TBC1D5: variants seen among roughly 807,000 people sequenced by gnomAD.
TBC1D5 encodes TBC1 domain family, member 5.
In TBC1D5, 75 loss-of-function variants were observed where a neutral mutation model predicts 100.3. That is an observed-to-expected ratio of 0.75 (90% confidence interval 0.62 to 0.91). The LOEUF (loss-of-function observed/expected upper bound fraction) is 0.91, where lower values mean the gene tolerates loss of function less well. Among genes scored for constraint, TBC1D5 ranks in the 40% least tolerant of loss-of-function variants. TBC1D5 has a pLI of 0.00. For synonymous variants in TBC1D5, 323 were observed against 325.6 expected (o/e 0.99, Z 0.09); for missense variants, 910 against 942.4 (o/e 0.97, Z 0.45).
At chr3:17,262,437 ACAGT>A in intron 15 of TBC1D5, among the ~76,000 whole-genome samples, 1 of 151,628 alleles carries the variant, frequency 6.6e-6, no homozygotes, top group South Asian at 2.1e-4. Context: ...TCATTTTGAC[ACAGT>A]CGGGACTTCA....
chr3:17,624,301 G>T (rs2062895649), intron 1 of TBC1D5, among the ~76,000 whole-genome samples: 1 of 151,992 alleles, frequency 6.6e-6, no homozygotes, highest in East Asian at 1.9e-4. Context: ...TTATTTCTTT[G>T]CATGTTACAT....
chr3:17,616,206 G>C (rs938486427), intron 2 of TBC1D5, among the ~76,000 whole-genome samples: 4 of 152,294 alleles, frequency 2.6e-5, no homozygotes, highest in African/African-American at 7.2e-5. Context: ...TTTTGAGTGA[G>C]TTTCTTAATC....
At chr3:17,704,457 G>GC (rs1322971600) in intron 1 of TBC1D5, among the ~76,000 whole-genome samples, 75 of 143,118 alleles carry the variant, frequency 5.2e-4, no homozygotes, top group Middle Eastern at 3.8e-3. Flanking sequence ...AGACGGGGTG[G>GC]TGGCCGGGCA....
intron 3 of TBC1D5, among the ~76,000 whole-genome samples, chr3:17,447,068 G>T (rs991497867): frequency 6.6e-6 from 1 of 152,050 alleles, no homozygotes; most frequent in Admixed American, 6.5e-5. Flanking sequence ...GAAGGAGGAA[G>T]TCAAGAATTT....
chr3:17,625,938 T>G (rs1460662405), intron 1 of TBC1D5, among the ~76,000 whole-genome samples: 1 of 152,112 alleles, frequency 6.6e-6, no homozygotes, highest in Non-Finnish European at 1.5e-5. Context: ...TTCACATGAG[T>G]TTACGTATCA....
At chr3:17,715,370 T>C (rs1008680872) in intron 1 of TBC1D5, among the ~76,000 whole-genome samples, 3 of 152,218 alleles carry the variant, frequency 2.0e-5, no homozygotes, top group African/African-American at 4.8e-5. Flanking sequence ...TCTAGCCCTA[T>C]GACAATGATT....
chr3:17,417,292 T>C (rs1343233309), intron 4 of TBC1D5, among the ~76,000 whole-genome samples: 3 of 151,858 alleles, frequency 2.0e-5, no homozygotes, highest in African/African-American at 7.3e-5. Flanking sequence ...CTGCACCCAT[T>C]AACTCGTCAT....
chr3:17,548,053 G>A (rs2096435675), intron 2 of TBC1D5, among the ~76,000 whole-genome samples: 2 of 152,188 alleles, frequency 1.3e-5, no homozygotes, highest in Non-Finnish European at 2.9e-5. Context: ...GGTGGCTCAT[G>A]CCTGTAATCC....
At chr3:17,535,752 C>T (rs1001702836) in intron 2 of TBC1D5, among the ~76,000 whole-genome samples, 2 of 151,996 alleles carry the variant, frequency 1.3e-5, no homozygotes, top group African/African-American at 4.8e-5. Context: ...AAAACACACA[C>T]ATAAAAAATC....
intron 4 of TBC1D5, among the ~76,000 whole-genome samples, chr3:17,427,534 TAGAAA>T (rs1176739788): frequency 7.2e-5 from 11 of 151,922 alleles, no homozygotes; most frequent in African/African-American, 7.2e-5. Flanking sequence ...ATATTTATTA[TAGAAA>T]AGAAGACAGT....
intron 8 of TBC1D5, among the ~76,000 whole-genome samples, chr3:17,392,195 C>A (rs2093369698): frequency 6.6e-6 from 1 of 151,610 alleles, no homozygotes; most frequent in Non-Finnish European, 1.5e-5. Context: ...AGACAAAAGG[C>A]CCTTAGATTT....
At chr3:17,663,449 TAAG>T (rs1268592168) in intron 1 of TBC1D5, among the ~76,000 whole-genome samples, 4 of 152,040 alleles carry the variant, frequency 2.6e-5, no homozygotes, top group Admixed American at 6.6e-5. Flanking sequence ...TAAATGGTAT[TAAG>T]AAGTGAATTA....
At chr3:17,267,212 G>A (rs2078940029) in intron 15 of TBC1D5, among the ~76,000 whole-genome samples, 1 of 152,116 alleles carries the variant, frequency 6.6e-6, no homozygotes, top group South Asian at 2.1e-4. Flanking sequence ...AAAGATGCCA[G>A]AGTAACATAC....
rs766843806 is a variant in TBC1D5 at position 17,291,880 on chromosome 3, A to T, written c.1245+15T>A. On this transcript the variant is annotated intron_variant, in intron 15 of 21. Transcript: ENST00000253692. ...CCCAACTTAAAATTATGCATACCCT[A>T]CTGGGGAAGCTTACCTTTGGATCTC... 1.2e-6 allele frequency: 2 copies of T among 1,607,398 alleles called. No individual in the cohort carries two copies. Among genetic ancestry groups the T allele is most frequent in the South Asian group, 2.2e-5 (2 of 90,412 alleles).
At chr3:17,355,698 C>T (rs2091151713) in intron 13 of TBC1D5, among the ~76,000 whole-genome samples, 1 of 151,804 alleles carries the variant, frequency 6.6e-6, no homozygotes, top group South Asian at 2.1e-4. Flanking sequence ...ATTCACATCC[C>T]ATGGTAGCGT....
chr3:17,266,784 T>A (rs1483892870), intron 15 of TBC1D5, among the ~76,000 whole-genome samples: 1 of 152,168 alleles, frequency 6.6e-6, no homozygotes, highest in East Asian at 1.9e-4. Flanking sequence ...TAATAATTCC[T>A]ATGTATTTTG....
At chr3:17,308,660 A>AT (rs908929326) in intron 13 of TBC1D5, among the ~76,000 whole-genome samples, 11 of 152,182 alleles carry the variant, frequency 7.2e-5, no homozygotes, top group African/African-American at 2.4e-4. Flanking sequence ...GTAGATAACC[A>AT]TTTTTTTGGT....
chr3:17,475,723 T>C (rs528643359), intron 3 of TBC1D5, among the ~76,000 whole-genome samples: 144 of 152,250 alleles, frequency 9.5e-4, no homozygotes, highest in Middle Eastern at 3.4e-3. Context: ...ATTTGGACTG[T>C]TTCCAGTTTT....
At chr3:17,382,563 CTT>C (rs5846960) in intron 9 of TBC1D5, among the ~76,000 whole-genome samples, 104 of 144,238 alleles carry the variant, frequency 7.2e-4, no homozygotes, top group Non-Finnish European at 6.4e-4. Context: ...CCTTGAATAA[CTT>C]TTTTTTTTTT....
Sources: allele counts gnomAD v4.1 joint callset (sites outside exome capture counted in the v4.1 genomes callset), GRCh38; gene constraint gnomAD v4.1.1; transcripts MANE v1.5; gene names NCBI Gene and HGNC (gene_info 2026-07-23, HGNC 2026-07-21).